Variants in CAST observed in about 807,000 individuals in gnomAD.
CAST encodes the protein MIR583 host.
Under a neutral mutation model 119.6 loss-of-function variants are expected in CAST, and 76 were observed. The ratio of observed to expected loss-of-function variants is 0.64; its 90% CI spans 0.53 to 0.77. CAST has a LOEUF of 0.77. Ranked by LOEUF, CAST falls within the 30% of genes least tolerant of loss-of-function variation. The pLI is 0.00. For synonymous variants in CAST, 319 were observed against 331.6 expected, an observed-to-expected ratio of 0.96 and a Z score of 0.41; for missense variants, 953 against 946.5, an observed-to-expected ratio of 1.01 and a Z score of -0.09.
the CAST span, among the ~76,000 whole-genome samples, chr5:96,417,604 A>C: frequency 7.9e-5 from 12 of 152,106 alleles, no homozygotes; most frequent in Admixed American, 1.3e-4. Flanking sequence ...AGAGGCGAGC[A>C]GCACTAGAGA....
the CAST span, among the ~76,000 whole-genome samples, chr5:96,152,286 G>C: frequency 2.0e-5 from 3 of 152,228 alleles, no homozygotes; most frequent in Non-Finnish European, 4.4e-5. Flanking sequence ...AGATGAACTG[G>C]TGGCCTAGTG....
upstream of CAST, among the ~76,000 whole-genome samples, chr5:96,661,527 T>G (rs543909345): frequency 6.6e-6 from 1 of 151,992 alleles, no homozygotes; most frequent in East Asian, 1.9e-4. Flanking sequence ...ATGATGCTAC[T>G]GCAGGGTAAC....
the CAST span, chr5:96,397,522 A>G: frequency 1.1e-5 from 17 of 1,482,014 alleles, no homozygotes; most frequent in Admixed American, 1.7e-5. Flanking sequence ...ATAGTAGGAT[A>G]CACTCTAGCA....
At chr5:96,667,990 G>C (rs963377044) in intron 1 of CAST, among the ~76,000 whole-genome samples, 1 of 152,178 alleles carries the variant, frequency 6.6e-6, no homozygotes. Context: ...ACTCCAGCCC[G>C]GGCGACAGAG....
At chr5:96,262,787 G>A in the CAST span, among the ~76,000 whole-genome samples, 8 of 152,032 alleles carry the variant, frequency 5.3e-5, no homozygotes, top group Non-Finnish European at 8.8e-5. Flanking sequence ...CGCCTGCCTC[G>A]GCTTCCCAAA....
At chr5:96,451,122 A>G in the CAST span, among the ~76,000 whole-genome samples, 2 of 152,100 alleles carry the variant, frequency 1.3e-5, no homozygotes, top group African/African-American at 2.4e-5. Flanking sequence ...CTCCTGTGAT[A>G]TCTGTTTAAT....
At chr5:96,759,700 A>T (rs115358900) in intron 24 of CAST, among the ~76,000 whole-genome samples, 3,591 of 151,840 alleles carry the variant, frequency 0.024, 70 homozygotes, top group Middle Eastern at 0.065. Flanking sequence ...ATAAAAGAGG[A>T]AAAAAAACCT....
At chr5:96,060,676 C>A in the CAST span, among the ~76,000 whole-genome samples, 1 of 152,196 alleles carries the variant, frequency 6.6e-6, no homozygotes, top group Non-Finnish European at 1.5e-5. Context: ...CTAGGCTGTG[C>A]TGCAGGTGGC....
intron 2 of CAST, among the ~76,000 whole-genome samples, chr5:96,682,799 C>A (rs1197782052): frequency 6.6e-6 from 1 of 152,210 alleles, no homozygotes; most frequent in Admixed American, 6.5e-5. Context: ...AGTGGACTTT[C>A]ATTCATTACA....
the CAST span, among the ~76,000 whole-genome samples, chr5:96,070,876 G>T: frequency 1.3e-5 from 2 of 152,200 alleles, no homozygotes; most frequent in Non-Finnish European, 2.9e-5. Context: ...GAGGAGGAAT[G>T]CTCGCCCAAG....
the CAST span, among the ~76,000 whole-genome samples, chr5:96,223,981 C>A: frequency 6.6e-6 from 1 of 151,982 alleles, no homozygotes; most frequent in African/African-American, 2.4e-5. Context: ...TTGGTCTCGG[C>A]AGAGTGGATC....
At chr5:96,327,363 A>T in the CAST span, among the ~76,000 whole-genome samples, 1 of 152,198 alleles carries the variant, frequency 6.6e-6, no homozygotes, top group African/African-American at 2.4e-5. Flanking sequence ...TCCCCAAGGG[A>T]TTCCTCCTTC....
chr5:96,317,765 T>C, the CAST span, among the ~76,000 whole-genome samples: 1 of 152,150 alleles, frequency 6.6e-6, no homozygotes, highest in African/African-American at 2.4e-5. Flanking sequence ...AGTGAATTCC[T>C]AGCTTAACTG....
At chr5:96,195,021 G>T in the CAST span, among the ~76,000 whole-genome samples, 35 of 152,218 alleles carry the variant, frequency 2.3e-4, no homozygotes, top group Non-Finnish European at 3.8e-4. Flanking sequence ...AAAGACTTGT[G>T]GGGGACCCGA....
At chr5:96,548,907 A>G (rs1580819486) in intron 1 of CAST, among the ~76,000 whole-genome samples, 1 of 152,352 alleles carries the variant, frequency 6.6e-6, no homozygotes, top group Non-Finnish European at 1.5e-5. Context: ...TGTCAGGCAG[A>G]GTACAGAGAG....
At chr5:96,169,039 G>A in the CAST span, among the ~76,000 whole-genome samples, 7 of 152,148 alleles carry the variant, frequency 4.6e-5, no homozygotes, top group South Asian at 2.1e-4. Context: ...GCTACAGGGC[G>A]CGGTCCCGGC....
At chr5:96,745,692 C>T (rs921700437) in intron 16 of CAST, among the ~76,000 whole-genome samples, 1 of 152,154 alleles carries the variant, frequency 6.6e-6, no homozygotes, top group Non-Finnish European at 1.5e-5. Context: ...TAGAACTATG[C>T]TTTTATTTGT....
At chr5:96,662,151 G>A, upstream of CAST, 1 of 386,566 alleles carries the variant, frequency 2.6e-6, no homozygotes, top group Non-Finnish European at 4.6e-6. Context: ...TGCTGGGGCC[G>A]GGGCGGGTCA....
At chr5:96,572,992 T>A (rs1478121159) in intron 1 of CAST, among the ~76,000 whole-genome samples, 3 of 151,754 alleles carry the variant, frequency 2.0e-5, no homozygotes, top group African/African-American at 7.3e-5. Flanking sequence ...AGGCAGGGAG[T>A]CCAGTGTTGA....
Sources: gnomAD v4.1 joint callset for allele counts (sites outside exome capture counted in the v4.1 genomes callset) on GRCh38, gnomAD v4.1.1 for gene constraint, MANE v1.5 for transcripts, NCBI Gene and HGNC (gene_info 2026-07-23, HGNC 2026-07-21) for gene names.